Variants in ACTL6B observed in about 807,000 individuals in gnomAD.
ACTL6B encodes the protein actin like 6B, also known as actin-like protein 6B.
A neutral mutation model predicts 63.3 loss-of-function variants in ACTL6B; 48 were observed. The observed-to-expected ratio is 0.76, with a 90% CI of 0.60 to 0.96. The LOEUF is 0.96. Among genes scored for constraint, ACTL6B ranks in the 50% least tolerant of loss-of-function variants. The pLI, the probability that ACTL6B is intolerant of heterozygous loss-of-function variation, is 0.00. For synonymous variants in ACTL6B, 230 were observed against 223.8 expected, an observed-to-expected ratio of 1.03 and a Z score of -0.25; for missense variants, 350 against 572.2, an observed-to-expected ratio of 0.61 and a Z score of 3.96.
chr7:100,646,824 G>A lies in ACTL6B; in HGVS notation c.944C>T (p.Ser315Leu). ...LFDPSNVKGL[S>L]GNTMLGVGHV... The stretch of plus-strand genomic sequence containing the variant: ...GCCCACACCCAACATGGTGTTCCCC[G>A]ACAGGCCCTGCAGAGAGAGGTGACT... Residue 315 changes from serine to leucine, a missense_variant, in exon 11 of 14, where the codon TCG becomes TTG. Physicochemically the swap from Ser to Leu is moderately radical, Grantham distance 145. Transcript: ENST00000160382. This position sits in a 1 kb window ranked among gnomAD's most constrained non-coding sequence, Gnocchi z 6.1. 7 of 1,612,494 alleles carry A rather than the reference G, an allele frequency of 4.3e-6. No individual in the cohort carries two copies. Among genetic ancestry groups the A allele is most frequent in the Non-Finnish European group, 3.4e-6 (4 of 1,179,674 alleles).
intron 5 of ACTL6B, among the ~76,000 whole-genome samples, chr7:100,649,194 G>A (rs571562292): frequency 1.3e-5 from 2 of 151,066 alleles, no homozygotes; most frequent in Non-Finnish European, 1.5e-5. Flanking sequence ...GGATTTCACC[G>A]TGTTAGCCAG....
chr7:100,649,926 G>T, intron 5 of ACTL6B, 112 bp downstream of exon 5: 1 of 929,652 alleles, frequency 1.1e-6, no homozygotes, highest in Non-Finnish European at 1.7e-6. Flanking sequence ...TGCCCATTGG[G>T]ACACTGATCT....
At chr7:100,653,920 A>G (rs1466115350) in intron 4 of ACTL6B, among the ~76,000 whole-genome samples, 2 of 152,190 alleles carry the variant, frequency 1.3e-5, no homozygotes, top group African/African-American at 4.8e-5. Context: ...AGTTGCTTTT[A>G]TAAAGAGGAA....
chr7:100,654,748 G>A (rs1190803201), intron 4 of ACTL6B, among the ~76,000 whole-genome samples: 1 of 151,606 alleles, frequency 6.6e-6, no homozygotes, highest in African/African-American at 2.4e-5. Context: ...CTCCAGCCTG[G>A]GTGACGGAGT....
rs1457450914 is a variant in ACTL6B, at chr7:100,655,541, C to T, written c.148G>A (p.Gly50Ser). 2 of 1,614,004 alleles carry T rather than the reference C, an allele frequency of 1.2e-6. No homozygotes were observed. The highest frequency in any genetic ancestry group is 2.2e-5 in the East Asian group (1 of 44,886). ...TTGTCCCCCTCCAGCTCCAGCCCGCCCCCCTCCTCCGCGGCCAGCAGCCCC... is the reference window on the plus strand; with the variant it reads ...TTGTCCCCCTCCAGCTCCAGCCCGCTCCCCTCCTCCGCGGCCAGCAGCCCC... The part of the protein sequence containing the change: ...TVGLLAAEEG[G>S]GLELEGDKEK... Residue 50 changes from glycine (G) to serine (S), a missense_variant, in exon 3 of 14, where the codon GGC (glycine) becomes AGC (serine). By Grantham distance (56) the Gly-to-Ser change is moderately conservative. Coordinates refer to ENST00000160382, the MANE Select transcript of ACTL6B (RefSeq NM_016188.5). This position sits in a 1 kb window ranked among gnomAD's most constrained non-coding sequence, Gnocchi z 4.4.
chr7:100,655,893 C>A lies in ACTL6B; in HGVS notation c.26-14G>T. On this transcript the variant is annotated splice_polypyrimidine_tract_variant and intron_variant, in intron 1 of 13. Coordinates refer to ENST00000160382, the MANE Select transcript of ACTL6B (RefSeq NM_016188.5). The surrounding 1 kb of genome is among the most constrained non-coding windows in gnomAD (Gnocchi z 4.4). The stretch of plus-strand genomic sequence containing the variant: ...CCCCCACCTCATCTGTGCGGGGAGA[C>A]AGGCCTGTAAGGGGACCTCCCCCGA... The A allele has an allele frequency of 6.4e-7, 1 of 1,559,702 alleles. No homozygotes were observed. Among genetic ancestry groups the A allele is most frequent in the Non-Finnish European group, 8.7e-7 (1 of 1,151,496 alleles).
intron 13 of ACTL6B, among the ~76,000 whole-genome samples, chr7:100,643,777 A>G (rs1260966664): frequency 1.3e-5 from 2 of 152,024 alleles, no homozygotes; most frequent in African/African-American, 4.8e-5. Context: ...CACCATTCCA[A>G]CACTGTGGCA....
intron 4 of ACTL6B, 109 bp downstream of exon 4, chr7:100,654,910 A>G (rs1340956324): frequency 1.1e-6 from 1 of 894,432 alleles, no homozygotes; most frequent in Non-Finnish European, 1.8e-6. Context: ...TGAAAAGGGA[A>G]GGGAAGTGGC....
At chr7:100,650,617 G>A (rs921315343) in intron 4 of ACTL6B, among the ~76,000 whole-genome samples, 2 of 152,052 alleles carry the variant, frequency 1.3e-5, no homozygotes, top group African/African-American at 2.4e-5. Context: ...CAGGAGGATT[G>A]CTTGAACCCA....
Position 100,647,542 on chromosome 7 carries a change from G to A in ACTL6B, c.670-9C>T, listed in dbSNP as rs781115123. 3 of 1,583,084 alleles carry A rather than the reference G, an allele frequency of 1.9e-6. No homozygotes were observed. The highest frequency in any genetic ancestry group is 1.3e-5 in the African/African-American group (1 of 74,328). ...CCCTCCCGGACAGGCTCCTGTGGGGGCACAGTGTAGGAACACCCTTTCCTA... is the reference window on the plus strand; with the variant it reads ...CCCTCCCGGACAGGCTCCTGTGGGGACACAGTGTAGGAACACCCTTTCCTA... On this transcript the variant is annotated splice_polypyrimidine_tract_variant and intron_variant, in intron 7 of 13. Transcript: ENST00000160382. This position sits in a 1 kb window ranked among gnomAD's most constrained non-coding sequence, Gnocchi z 4.4.
chr7:100,653,799 G>A lies in ACTL6B; in HGVS notation c.369+1220C>T, dbSNP rs561899930. 5.9e-5 allele frequency among the ~76,000 whole-genome samples: 9 copies of A among 152,162 alleles called. No homozygotes were observed. The East Asian group carries it at 1.5e-3, about 26-fold the overall frequency. ...AGCTAAGCGATCATTTTCTAAAGTG[G>A]AAAATTCAGCGATAATACCTAAAAC... On this transcript the variant is annotated intron_variant, in intron 4 of 13. Transcript: ENST00000160382.
At chr7:100,645,084 A>G (rs1803797081) in intron 13 of ACTL6B, among the ~76,000 whole-genome samples, 1 of 152,194 alleles carries the variant, frequency 6.6e-6, no homozygotes, top group Admixed American at 6.5e-5. Context: ...AAAGGAAAAA[A>G]ACAAGAACTG....
chr7:100,644,882 C>A (rs1803793132), intron 13 of ACTL6B, among the ~76,000 whole-genome samples: 1 of 152,026 alleles, frequency 6.6e-6, no homozygotes, highest in Admixed American at 6.6e-5. Flanking sequence ...ACGGTGAAAC[C>A]CCATCTCTAT....
rs955171017 is a variant in ACTL6B at position 100,646,619 on chromosome 7, C to T, written c.1045G>A (p.Gly349Ser). ...AAGCCCTGCAGCAGTGTGTTCCCGC[C>T]GGTGACAATGACACTCCCGTACAGG... ...PGLYGSVIVT[G>S]GNTLLQGFTD... The change falls in exon 12 of 14, where the codon GGC becomes AGC. Residue 349 changes from glycine to serine, a missense_variant. Around this residue, in one of 3 missense-constraint regions of ACTL6B, gnomAD observed 76 missense variants for 126.1 expected, o/e 0.60. Coordinates refer to ENST00000160382, the MANE Select transcript of ACTL6B (RefSeq NM_016188.5). This position sits in a 1 kb window ranked among gnomAD's most constrained non-coding sequence, Gnocchi z 6.1. 6 of 1,614,096 alleles carry T rather than the reference C, an allele frequency of 3.7e-6. No individual in the cohort carries two copies. Among genetic ancestry groups the T allele is most frequent in the Admixed American group, 3.3e-5 (2 of 60,010 alleles).
At chr7:100,654,587 C>T (rs1351810351) in intron 4 of ACTL6B, among the ~76,000 whole-genome samples, 1 of 151,642 alleles carries the variant, frequency 6.6e-6, no homozygotes, top group South Asian at 2.1e-4. Context: ...TCGAGACCAG[C>T]CTGGCCAACA....
chr7:100,644,051 C>T (rs971785476), intron 13 of ACTL6B, among the ~76,000 whole-genome samples: 3 of 152,056 alleles, frequency 2.0e-5, no homozygotes, highest in Non-Finnish European at 4.4e-5. Context: ...AGGCGCGTGC[C>T]AACACGCCCG....
Position 100,648,562 on chromosome 7 carries a change from T to C in ACTL6B, c.663A>G (p.Ala221=). The change falls in exon 7 of 14, where the codon GCA becomes GCG. Residue 221 remains alanine (A), a synonymous_variant. Transcript: ENST00000160382. The surrounding 1 kb of genome is among the most constrained non-coding windows in gnomAD (Gnocchi z 4.4). ...AIDIIPPYMI[A]AKEPVREGAP... ...ATGTCCCCAGAGGCCCCACCTTGGCTGCGATCATGTAAGGTGGGATGATGT... is the reference window on the plus strand; with the variant it reads ...ATGTCCCCAGAGGCCCCACCTTGGCCGCGATCATGTAAGGTGGGATGATGT... 6.2e-7 allele frequency: 1 copy of C among 1,603,534 alleles called. No individual in the cohort carries two copies. The highest frequency in any genetic ancestry group is 8.5e-7 in the Non-Finnish European group (1 of 1,174,014).
rs567861713 is a variant in ACTL6B, at chr7:100,647,829, G to A, written c.670-296C>T. 20 of 395,914 alleles carry A rather than the reference G, an allele frequency of 5.1e-5. No individual in the cohort carries two copies. Among genetic ancestry groups the A allele is most frequent in the Admixed American group, 3.3e-4 (8 of 24,460 alleles). The allele number at this position is 395,914 out of a possible 1,614,324, so 24.5% of individuals were successfully genotyped here. On this transcript the variant is annotated intron_variant, in intron 7 of 13. Coordinates refer to ENST00000160382, the MANE Select transcript of ACTL6B (RefSeq NM_016188.5). The surrounding 1 kb of genome is among the most constrained non-coding windows in gnomAD (Gnocchi z 4.4). ...GGGGTCATGATCCATGTGAGGGCAC[G>A]GAATGGAGCTAAGCACACAGTGTCA...
At position 100,647,835 on chromosome 7, in the gene ACTL6B, G is replaced by C. The variant is rs1013843210; in HGVS notation, c.670-302C>G. 1 of 378,826 alleles carries C rather than the reference G, an allele frequency of 2.6e-6. No homozygotes were observed. The highest frequency in any genetic ancestry group is 4.8e-6 in the Non-Finnish European group (1 of 210,096). 23.5% of individuals were successfully genotyped at this position (378,826 alleles called of 1,614,324 possible). A position where few individuals can be genotyped will look rare whatever the true frequency, so the allele number is the denominator to read the frequency against. On this transcript the variant is annotated intron_variant, in intron 7 of 13. Transcript: ENST00000160382. The surrounding 1 kb of genome is among the most constrained non-coding windows in gnomAD (Gnocchi z 4.4). ...ATGATCCATGTGAGGGCACGGAATG[G>C]AGCTAAGCACACAGTGTCACTTCAT...
Sources: gnomAD v4.1 joint callset for allele counts (sites outside exome capture counted in the v4.1 genomes callset) on GRCh38, gnomAD v4.1.1 for gene constraint, gnomAD v4.1.1 regional missense constraint, Gnocchi (gnomAD v3.1) non-coding constraint, MANE v1.5 for transcripts, NCBI Gene and HGNC (gene_info 2026-07-23, HGNC 2026-07-21) for gene names.